The following CRPPA variants were observed in gnomAD, a reference collection of about 807,000 sequenced individuals.
CRPPA encodes CDP-L-ribitol pyrophosphorylase A, also known as D-ribitol-5-phosphate cytidylyltransferase.
In CRPPA, 43 loss-of-function variants were observed where a neutral mutation model predicts 52.0. The ratio of observed to expected loss-of-function variants is 0.83; its 90% confidence interval spans 0.65 to 1.07. The LOEUF is 1.07. Among genes scored for constraint, CRPPA ranks in the 50% least tolerant of loss-of-function variants. The probability of loss-of-function intolerance (pLI) is 0.00; values close to 1 mark genes in which losing one functional copy is unlikely to be tolerated. For synonymous variants in CRPPA, 250 were observed against 203.5 expected (o/e 1.23, Z -1.94); for missense variants, 629 against 551.7 (o/e 1.14, Z -1.40).
intron 1 of CRPPA, among the ~76,000 whole-genome samples, chr7:16,407,732 A>G (rs1787988328): frequency 6.6e-6 from 1 of 152,196 alleles, no homozygotes; most frequent in African/African-American, 2.4e-5. Context: ...ACACTGATGA[A>G]CAAAACCAAG....
intron 3 of CRPPA, among the ~76,000 whole-genome samples, chr7:16,343,479 T>A (rs1785925409): frequency 6.6e-6 from 1 of 152,188 alleles, no homozygotes; most frequent in African/African-American, 2.4e-5. Context: ...CCCAGATAAC[T>A]GCCATATTCG....
chr7:16,202,571 T>C (rs950535395), intron 9 of CRPPA, among the ~76,000 whole-genome samples: 1 of 152,138 alleles, frequency 6.6e-6, no homozygotes, highest in Non-Finnish European at 1.5e-5. Context: ...GATAAGGAAG[T>C]CAGACAATTA....
intron 4 of CRPPA, among the ~76,000 whole-genome samples, chr7:16,306,312 C>T (rs1784910467): frequency 6.6e-6 from 1 of 152,140 alleles, no homozygotes; most frequent in Admixed American, 6.5e-5. Flanking sequence ...ACCAGTGGAA[C>T]CAAGAGAAGC....
At position 16,301,464 on chromosome 7, in the gene CRPPA, C is replaced by G. The variant is rs751050965; in HGVS notation, c.792G>C (p.Val264=). 6.8e-6 allele frequency: 11 copies of G among 1,611,444 alleles called. No homozygotes were observed. Among genetic ancestry groups the G allele is most frequent in the Non-Finnish European group, 9.3e-6 (11 of 1,178,148 alleles). ...CCGCATAGAGATCTCGTTTGTAGGT[C>G]ACCTAAAGGACAGATAAACTTCATT... ...LVEGSPDLWK[V]TYKRDLYAAE... Residue 264 remains valine (V), a splice_region_variant and synonymous_variant, in exon 5 of 10, where the codon GTG becomes GTC. Coordinates refer to ENST00000407010, the MANE Select transcript of CRPPA (RefSeq NM_001101426.4).
intron 8 of CRPPA, among the ~76,000 whole-genome samples, chr7:16,235,364 C>A: frequency 6.6e-6 from 1 of 152,022 alleles, no homozygotes; most frequent in Middle Eastern, 3.2e-3. Flanking sequence ...GAGTGCATGT[C>A]TGTTAAAGAA....
chr7:16,246,888 G>A (rs1237273701), intron 8 of CRPPA, among the ~76,000 whole-genome samples: 1 of 152,208 alleles, frequency 6.6e-6, no homozygotes, highest in Non-Finnish European at 1.5e-5. Flanking sequence ...AGAATGGTAA[G>A]TGAGCACTGC....
At chr7:16,210,078 G>C (rs527829246) in intron 9 of CRPPA, among the ~76,000 whole-genome samples, 10 of 152,150 alleles carry the variant, frequency 6.6e-5, no homozygotes, top group Admixed American at 5.2e-4. Context: ...AATAAGTTTT[G>C]CCTTTCTAAC....
intron 2 of CRPPA, among the ~76,000 whole-genome samples, chr7:16,404,811 C>T (rs1192617073): frequency 6.6e-6 from 1 of 152,124 alleles, no homozygotes; most frequent in Non-Finnish European, 1.5e-5. Flanking sequence ...ATTGAGCTGT[C>T]TGGAGAAGAG....
Position 16,408,357 on chromosome 7 carries a change from G to A in CRPPA, c.258-2020C>T, listed in dbSNP as rs527666632. The stretch of plus-strand genomic sequence containing the variant: ...ACAAGGGATGGGTGGCAGGTAAGCA[G>A]GCAAACAGGCTAGGAGAGAAGGAGA... On this transcript the variant is annotated intron_variant, in intron 1 of 9. Transcript: ENST00000407010. Among the ~76,000 whole-genome samples the A allele has an allele frequency of 5.3e-5, 8 of 152,252 alleles. 1 individual carries two copies. The highest frequency in any genetic ancestry group is 4.6e-4 in the Admixed American group (7 of 15,302).
At chr7:16,240,319 G>T (rs1476697563) in intron 8 of CRPPA, among the ~76,000 whole-genome samples, 1 of 151,512 alleles carries the variant, frequency 6.6e-6, no homozygotes, top group Non-Finnish European at 1.5e-5. Flanking sequence ...AGCAGAAAAC[G>T]CATGAAAAAA....
At chr7:16,395,361 A>G (rs1188393333) in intron 2 of CRPPA, among the ~76,000 whole-genome samples, 1 of 152,226 alleles carries the variant, frequency 6.6e-6, no homozygotes, top group Non-Finnish European at 1.5e-5. Context: ...ATTTCTCCTC[A>G]GGCAACTGCA....
At chr7:16,303,642 C>T (rs1450869751) in intron 4 of CRPPA, among the ~76,000 whole-genome samples, 1 of 151,974 alleles carries the variant, frequency 6.6e-6, no homozygotes, top group East Asian at 1.9e-4. Context: ...ATAGATTTTT[C>T]AGAACTTATT....
rs190282721 is a variant in CRPPA at position 16,228,682 on chromosome 7, A to G, written c.1120-12485T>C. ...ATTATTTGGTATAATTTCAATCTTA[A>G]GTATTTTAACACTTGTTTCATAGCC... On this transcript the variant is annotated intron_variant, in intron 8 of 9. Transcript: ENST00000407010. Among the ~76,000 whole-genome samples, 575 of 152,000 alleles carry G rather than the reference A, an allele frequency of 3.8e-3. 3 individuals carry two copies. Among genetic ancestry groups the G allele is most frequent in the Middle Eastern group, 6.8e-3 (2 of 294 alleles).
chr7:16,382,443 CT>C (rs1451354777), intron 2 of CRPPA, among the ~76,000 whole-genome samples: 1 of 152,160 alleles, frequency 6.6e-6, no homozygotes, highest in African/African-American at 2.4e-5. Flanking sequence ...TTCATTTCAA[CT>C]TTGGTGAATC....
intron 9 of CRPPA, among the ~76,000 whole-genome samples, chr7:16,114,336 C>CA (rs1216060541): frequency 4.4e-4 from 65 of 147,454 alleles, no homozygotes; most frequent in Admixed American, 1.6e-3. Flanking sequence ...CCATTTAAGA[C>CA]AAAAAAAAAT....
At chr7:16,323,821 T>C (rs16878716) in intron 3 of CRPPA, among the ~76,000 whole-genome samples, 12,581 of 152,156 alleles carry the variant, frequency 0.083, 891 homozygotes, top group African/African-American at 0.19. Flanking sequence ...ATCTCAAACA[T>C]TGTGCAAAAA....
At chr7:16,303,491 A>AAAAACAAAAAC (rs1554317855) in intron 4 of CRPPA, among the ~76,000 whole-genome samples, 1 of 124,936 alleles carries the variant, frequency 8.0e-6, no homozygotes, top group Non-Finnish European at 1.8e-5. Flanking sequence ...AAAAAAAAAA[A>AAAAACAAAAAC]AAAAAAAAAA....
At chr7:16,122,219 A>G (rs1178095085) in intron 9 of CRPPA, among the ~76,000 whole-genome samples, 1 of 152,044 alleles carries the variant, frequency 6.6e-6, no homozygotes, top group Non-Finnish European at 1.5e-5. Flanking sequence ...GGCTAACAAA[A>G]TCTTTCTTCC....
chr7:16,379,847 G>A (rs540002793), intron 2 of CRPPA, among the ~76,000 whole-genome samples: 20 of 152,240 alleles, frequency 1.3e-4, no homozygotes, highest in African/African-American at 3.9e-4. Context: ...TTTATATCCC[G>A]AGACTTTGCT....
Sources: allele counts gnomAD v4.1 joint callset (sites outside exome capture counted in the v4.1 genomes callset), GRCh38; gene constraint gnomAD v4.1.1; transcripts MANE v1.5; gene names NCBI Gene and HGNC (gene_info 2026-07-23, HGNC 2026-07-21).